The following SLCO6A1 variants were observed in gnomAD, a reference collection of about 807,000 sequenced individuals.
SLCO6A1 encodes solute carrier organic anion transporter family member 6A1.
Under a neutral mutation model 72.7 loss-of-function variants are expected in SLCO6A1, and 65 were observed. That is an observed-to-expected ratio of 0.89 (90% CI 0.73 to 1.10). The LOEUF (loss-of-function observed/expected upper bound fraction) is 1.10. Among genes scored for constraint, SLCO6A1 ranks in the 50% least tolerant of loss-of-function variants. The pLI is 0.00. For synonymous variants in SLCO6A1, 314 were observed against 298.2 expected, an observed-to-expected ratio of 1.05 and a Z score of -0.55; for missense variants, 874 against 872.6, an observed-to-expected ratio of 1.00 and a Z score of -0.02.
rs768121643 is a variant in SLCO6A1 at position 102,438,603 on chromosome 5, GA to G, written c.1276+13del. 3 of 1,579,324 alleles carry G rather than the reference GA, an allele frequency of 1.9e-6. No homozygotes were observed. Among genetic ancestry groups the G allele is most frequent in the South Asian group, 2.4e-5 (2 of 83,122 alleles). On this transcript the variant is annotated intron_variant, in intron 7 of 13. Coordinates refer to ENST00000506729, the MANE Select transcript of SLCO6A1 (RefSeq NM_173488.5). The stretch of plus-strand genomic sequence containing the variant: ...TGCAAAATTTTTGAAATGACAATAA[GA>G]AGGTAAATCTACCTGCAAGTGTAGT...
At chr5:102,448,576 A>G (rs1204709948) in intron 6 of SLCO6A1, among the ~76,000 whole-genome samples, 1 of 152,206 alleles carries the variant, frequency 6.6e-6, no homozygotes, top group Non-Finnish European at 1.5e-5. Flanking sequence ...GTATATATTT[A>G]GGGGAGTTAG....
intron 7 of SLCO6A1, among the ~76,000 whole-genome samples, chr5:102,427,864 A>ATTTTTTTT (rs1200200259): frequency 1.3e-5 from 1 of 76,264 alleles, no homozygotes; most frequent in African/African-American, 5.9e-5. Context: ...ATATATATAT[A>ATTTTTTTT]TTTTTTTTTT....
At chr5:102,411,599 T>TG (rs1183658878) in intron 9 of SLCO6A1, among the ~76,000 whole-genome samples, 1 of 150,984 alleles carries the variant, frequency 6.6e-6, no homozygotes, top group African/African-American at 2.4e-5. Flanking sequence ...AGCTCTGATT[T>TG]TTTTTTTTTT....
chr5:102,491,513 T>A (rs1388016406), intron 1 of SLCO6A1, among the ~76,000 whole-genome samples: 1 of 152,218 alleles, frequency 6.6e-6, no homozygotes, highest in Non-Finnish European at 1.5e-5. Context: ...CATGGCAGGC[T>A]GCAGGTCCCG....
chr5:102,455,901 T>C (rs1174488690), intron 6 of SLCO6A1, among the ~76,000 whole-genome samples: 6 of 152,188 alleles, frequency 3.9e-5, no homozygotes, highest in African/African-American at 1.4e-4. Context: ...AAAAAGCTTA[T>C]CCACCATGAT....
chr5:102,494,695 G>C (rs1752831444), intron 1 of SLCO6A1, among the ~76,000 whole-genome samples: 1 of 152,148 alleles, frequency 6.6e-6, no homozygotes, highest in Non-Finnish European at 1.5e-5. Flanking sequence ...TAAAATCACA[G>C]TGAGATCCCA....
intron 6 of SLCO6A1, among the ~76,000 whole-genome samples, chr5:102,455,373 A>T (rs1750654567): frequency 6.6e-6 from 1 of 152,144 alleles, no homozygotes; most frequent in Admixed American, 6.6e-5. Flanking sequence ...TAAAATCTGT[A>T]TATGAGAAAT....
At chr5:102,459,513 G>T in intron 5 of SLCO6A1, 143 bp downstream of exon 5, 1 of 876,314 alleles carries the variant, frequency 1.1e-6, no homozygotes, top group Non-Finnish European at 1.7e-6. Context: ...ACTAGCACTT[G>T]ACACTGTATC....
At chr5:102,395,268 C>A (rs1280356703) in intron 10 of SLCO6A1, among the ~76,000 whole-genome samples, 2 of 151,910 alleles carry the variant, frequency 1.3e-5, no homozygotes, top group Non-Finnish European at 2.9e-5. Flanking sequence ...TCAATTCCCA[C>A]CTATGAGTGA....
chr5:102,374,234 G>A (rs1745652167), intron 12 of SLCO6A1, among the ~76,000 whole-genome samples: 1 of 151,970 alleles, frequency 6.6e-6, no homozygotes, highest in Non-Finnish European at 1.5e-5. Context: ...TCAAACTTGT[G>A]AGCTCAGGCG....
chr5:102,408,724 A>C (rs1271621683), intron 9 of SLCO6A1, among the ~76,000 whole-genome samples: 1 of 152,184 alleles, frequency 6.6e-6, no homozygotes, highest in Non-Finnish European at 1.5e-5. Flanking sequence ...TGAAAATGCA[A>C]GGAAAAGGGT....
intron 12 of SLCO6A1, among the ~76,000 whole-genome samples, chr5:102,380,014 TG>T (rs1240690249): frequency 6.6e-6 from 1 of 152,016 alleles, no homozygotes; most frequent in African/African-American, 2.4e-5. Context: ...TATTTTAATT[TG>T]GTTGCATCTG....
At chr5:102,422,123 C>T (rs1022607862) in intron 7 of SLCO6A1, among the ~76,000 whole-genome samples, 7 of 152,170 alleles carry the variant, frequency 4.6e-5, no homozygotes, top group Non-Finnish European at 1.0e-4. Context: ...CAAAGGTCAT[C>T]GGCATCAAAG....
chr5:102,415,102 G>C (rs189162023), intron 8 of SLCO6A1, among the ~76,000 whole-genome samples: 58 of 152,144 alleles, frequency 3.8e-4, no homozygotes, highest in African/African-American at 1.3e-3. Context: ...TCATGGATCA[G>C]AAGAATTAAT....
intron 9 of SLCO6A1, 44 bp from the exon 10 acceptor site, chr5:102,399,786 CAT>C: frequency 7.3e-7 from 1 of 1,363,844 alleles, no homozygotes; most frequent in Admixed American, 2.4e-5. Context: ...GAAAAATAGT[CAT>C]AAACAAAAGT....
intron 9 of SLCO6A1, among the ~76,000 whole-genome samples, chr5:102,411,415 C>T (rs1240613306): frequency 2.0e-5 from 3 of 152,062 alleles, no homozygotes; most frequent in African/African-American, 7.2e-5. Context: ...CAGTCATGCA[C>T]CACCATGCAC....
intron 6 of SLCO6A1, among the ~76,000 whole-genome samples, chr5:102,455,437 A>C (rs917212923): frequency 1.3e-5 from 2 of 152,184 alleles, no homozygotes; most frequent in Non-Finnish European, 2.9e-5. Flanking sequence ...AAGAGAAAAC[A>C]AATGGAAAGT....
intron 4 of SLCO6A1, among the ~76,000 whole-genome samples, chr5:102,467,034 G>A (rs1008354055): frequency 2.6e-5 from 4 of 151,986 alleles, no homozygotes; most frequent in African/African-American, 7.2e-5. Context: ...GATCTCAATC[G>A]TCAATTTTTG....
intron 10 of SLCO6A1, among the ~76,000 whole-genome samples, chr5:102,395,937 A>G (rs938160015): frequency 6.6e-6 from 1 of 152,096 alleles, no homozygotes. Context: ...GATTCTGGAT[A>G]TTAGCCCTTT....
Sources: allele counts gnomAD v4.1 joint callset (sites outside exome capture counted in the v4.1 genomes callset), GRCh38; gene constraint gnomAD v4.1.1; transcripts MANE v1.5; gene names NCBI Gene and HGNC (gene_info 2026-07-23, HGNC 2026-07-21).